The following TMC7 variants were observed in gnomAD, a reference collection of about 807,000 sequenced individuals.
The protein encoded by TMC7 is transmembrane channel-like protein 7.
Under a neutral mutation model 82.9 loss-of-function variants are expected in TMC7, and 54 were observed. The observed-to-expected ratio is 0.65, with a 90% confidence interval of 0.52 to 0.82. TMC7 has a LOEUF of 0.82. TMC7 is among the 40% of genes least tolerant of loss of function. The pLI is 0.00. For missense variants in TMC7, 820 were observed against 901.2 expected (o/e 0.91, Z 1.15); for synonymous variants, 350 against 337.9 (o/e 1.04, Z -0.39).
chr16:18,990,847 C>T (rs530439689), intron 1 of TMC7, among the ~76,000 whole-genome samples: 54 of 152,212 alleles, frequency 3.5e-4, no homozygotes, highest in Middle Eastern at 3.4e-3. Context: ...GGGGTAGAAA[C>T]AGATCACAAT....
At chr16:19,044,836 C>A in intron 9 of TMC7, 48 bp from the exon 10 acceptor site, 2 of 1,420,196 alleles carry the variant, frequency 1.4e-6, no homozygotes, top group Non-Finnish European at 2.0e-6. Flanking sequence ...AGGGACCAGC[C>A]ACCCTGAGGG....
chr16:18,987,418 C>G (rs1168410175), intron 1 of TMC7, among the ~76,000 whole-genome samples: 1 of 152,114 alleles, frequency 6.6e-6, no homozygotes, highest in Non-Finnish European at 1.5e-5. Flanking sequence ...TCAAGCGATT[C>G]TCCTGCCTTA....
rs1961542814 is a variant in TMC7, at chr16:19,051,564, G to A, written c.1741-122G>A. ...CTTTTTCATTTTGATCTGTATTGCT[G>A]GACTACCCTCTGGAAAGGTTAGAGT... On this transcript the variant is annotated intron_variant, in intron 12 of 15. Transcript: ENST00000304381. The A allele has an allele frequency of 4.3e-6, 5 of 1,157,188 alleles. No individual in the cohort carries two copies. The South Asian group carries it at 7.5e-5, about 17-fold the overall frequency. The allele number at this position is 1,157,188 out of a possible 1,614,324, so 71.7% of individuals were successfully genotyped here. A position where few individuals can be genotyped will look rare whatever the true frequency, so the allele number is the denominator to read the frequency against.
At chr16:19,042,789 C>T (rs1402640971) in intron 9 of TMC7, among the ~76,000 whole-genome samples, 3 of 151,710 alleles carry the variant, frequency 2.0e-5, no homozygotes, top group African/African-American at 7.3e-5. Context: ...CTCTGTCACC[C>T]AGGCTAGAGT....
In TMC7 at chr16:19,028,491, A is replaced by G. The variant is rs1466383670; in HGVS notation, c.712-1733A>G. 1.5e-4 allele frequency among the ~76,000 whole-genome samples: 23 copies of G among 152,280 alleles called. No individual in the cohort carries two copies. In the East Asian group the frequency reaches 4.2e-3, roughly 28 times the overall value. On this transcript the variant is annotated intron_variant, in intron 5 of 15. Coordinates refer to ENST00000304381, the MANE Select transcript of TMC7 (RefSeq NM_024847.4). ...TTTTCTGGGTGTGTTGCGATTCCAT[A>G]TGAATTTTAGGATCAGCTTGTCAGT...
At chr16:19,038,835 A>T (rs1424055830) in intron 8 of TMC7, among the ~76,000 whole-genome samples, 1 of 152,092 alleles carries the variant, frequency 6.6e-6, no homozygotes, top group Non-Finnish European at 1.5e-5. Context: ...AAATTTTAAA[A>T]GCATCTAAAG....
At position 19,047,138 on chromosome 16, in the gene TMC7, C is replaced by T. The variant is rs201791830; in HGVS notation, c.1629C>T (p.Asn543=). ...WGQQEFAIPD[N]VLGIVYGQTI... ...AGCAGGAGTTTGCCATTCCTGATAA[C>T]GTCCTGGGGATAGTTTACGGGCAAA... Residue 543 remains asparagine, a synonymous_variant, in exon 12 of 16, where the codon AAC becomes AAT. Coordinates refer to ENST00000304381, the MANE Select transcript of TMC7 (RefSeq NM_024847.4). 5.6e-6 allele frequency: 9 copies of T among 1,613,954 alleles called. No homozygotes were observed. Among genetic ancestry groups the T allele is most frequent in the African/African-American group, 2.7e-5 (2 of 74,892 alleles).
chr16:19,032,494 T>C (rs983672571), intron 6 of TMC7, among the ~76,000 whole-genome samples: 1 of 151,190 alleles, frequency 6.6e-6, no homozygotes, highest in African/African-American at 2.4e-5. Flanking sequence ...GGGTAGACAA[T>C]TTGGAAGTGC....
chr16:19,053,421 G>C (rs1269423695), intron 13 of TMC7, among the ~76,000 whole-genome samples: 2 of 139,078 alleles, frequency 1.4e-5, no homozygotes, highest in South Asian at 2.3e-4. Flanking sequence ...TTTTCTTTTT[G>C]AGACAGAGTT....
intron 8 of TMC7, among the ~76,000 whole-genome samples, chr16:19,039,727 A>G (rs1960920912): frequency 6.6e-6 from 1 of 152,132 alleles, no homozygotes; most frequent in South Asian, 2.1e-4. Flanking sequence ...GTTTATACAG[A>G]ATACATGGGT....
At chr16:19,021,075 A>G (rs973584906) in intron 3 of TMC7, among the ~76,000 whole-genome samples, 3 of 152,134 alleles carry the variant, frequency 2.0e-5, no homozygotes, top group African/African-American at 7.2e-5. Context: ...TGTAATCCCA[A>G]TCAGAATCTT....
intron 8 of TMC7, among the ~76,000 whole-genome samples, chr16:19,039,092 C>CTTTTTTT (rs376747652): frequency 6.1e-5 from 8 of 130,452 alleles, no homozygotes; most frequent in African/African-American, 8.6e-5. Flanking sequence ...TTTCTTTTTT[C>CTTTTTTT]TTTTTTTTTT....
At chr16:19,016,392 G>A in intron 2 of TMC7, 58 bp from the exon 3 acceptor site, 1 of 1,604,604 alleles carries the variant, frequency 6.2e-7, no homozygotes, top group Non-Finnish European at 8.5e-7. Flanking sequence ...GCCAGGCTGG[G>A]ATGCTGAGTC....
chr16:19,040,242 T>C, intron 8 of TMC7, 47 bp from the exon 9 acceptor site: 2 of 1,561,094 alleles, frequency 1.3e-6, no homozygotes, highest in South Asian at 2.4e-5. Flanking sequence ...ATTTGTGGTG[T>C]AACTTCCTCA....
intron 13 of TMC7, among the ~76,000 whole-genome samples, chr16:19,052,668 C>G (rs908711716): frequency 6.6e-6 from 1 of 151,958 alleles, no homozygotes; most frequent in Admixed American, 6.6e-5. Flanking sequence ...AAAAAACAAA[C>G]AAAAAAATAG....
At chr16:19,039,199 T>C (rs1960898700) in intron 8 of TMC7, among the ~76,000 whole-genome samples, 1 of 151,294 alleles carries the variant, frequency 6.6e-6, no homozygotes. Context: ...CAAGTCATTC[T>C]CCTGTCTCAG....
chr16:18,993,067 T>C (rs2038980073), intron 1 of TMC7, among the ~76,000 whole-genome samples: 1 of 152,126 alleles, frequency 6.6e-6, no homozygotes, highest in African/African-American at 2.4e-5. Context: ...AAGCCAGCAA[T>C]TGTTTCTTAA....
intron 2 of TMC7, among the ~76,000 whole-genome samples, chr16:19,013,923 G>C (rs993394362): frequency 7.2e-6 from 1 of 138,490 alleles, no homozygotes; most frequent in African/African-American, 2.6e-5. Flanking sequence ...GCACCATCTT[G>C]GGTCACTGCA....
chr16:19,031,551 G>T (rs1207819128), intron 6 of TMC7, among the ~76,000 whole-genome samples: 4 of 152,168 alleles, frequency 2.6e-5, no homozygotes, highest in African/African-American at 9.7e-5. Context: ...CACACCTGTA[G>T]TCCCAGCTGC....
Sources: gnomAD v4.1 joint callset for allele counts (sites outside exome capture counted in the v4.1 genomes callset) on GRCh38, gnomAD v4.1.1 for gene constraint, MANE v1.5 for transcripts, NCBI Gene and HGNC (gene_info 2026-07-23, HGNC 2026-07-21) for gene names.